SH3RF3: variants seen among roughly 807,000 people sequenced by gnomAD.
SH3RF3 encodes the protein SH3 domain containing ring finger 3.
SH3RF3 carries 29 observed loss-of-function variants against 66.3 expected under a neutral mutation model. The observed-to-expected ratio is 0.44, with a 90% CI of 0.33 to 0.60. SH3RF3 has a LOEUF of 0.60. SH3RF3 is among the 20% of genes least tolerant of loss of function. The probability of loss-of-function intolerance (pLI) is 0.04; values close to 1 mark genes in which losing one functional copy is unlikely to be tolerated. For missense variants in SH3RF3, 1,194 were observed against 1,190.9 expected (o/e 1.00, Z -0.04); for synonymous variants, 583 against 532.0 (o/e 1.10, Z -1.32).
At chr2:109,423,439 C>A (rs1046023428) in intron 5 of SH3RF3, among the ~76,000 whole-genome samples, 1 of 152,194 alleles carries the variant, frequency 6.6e-6, no homozygotes, top group African/African-American at 2.4e-5. Flanking sequence ...TCCTCAATAA[C>A]AACAGTCCCC....
At chr2:109,254,727 T>C (rs900373729) in intron 1 of SH3RF3, among the ~76,000 whole-genome samples, 1 of 152,180 alleles carries the variant, frequency 6.6e-6, no homozygotes, top group African/African-American at 2.4e-5. Context: ...GCCGCTCCCA[T>C]GAGAGGAGCC....
intron 4 of SH3RF3, among the ~76,000 whole-genome samples, chr2:109,402,573 C>T (rs1033965315): frequency 6.6e-6 from 1 of 152,236 alleles, no homozygotes; most frequent in Non-Finnish European, 1.5e-5. Context: ...CTGGCCCCAG[C>T]AAGGGCCACT....
chr2:109,300,463 A>G (rs1465191827), intron 1 of SH3RF3, among the ~76,000 whole-genome samples: 1 of 152,190 alleles, frequency 6.6e-6, no homozygotes, highest in African/African-American at 2.4e-5. Context: ...TATAGGTGTG[A>G]GCCACTGCGC....
intron 6 of SH3RF3, among the ~76,000 whole-genome samples, chr2:109,435,289 G>C (rs542463623): frequency 6.6e-6 from 1 of 152,214 alleles, no homozygotes; most frequent in African/African-American, 2.4e-5. Flanking sequence ...AGAAGTGGAA[G>C]ACACCTGTCC....
intron 7 of SH3RF3, among the ~76,000 whole-genome samples, chr2:109,440,542 A>T (rs1677532896): frequency 6.6e-6 from 1 of 152,228 alleles, no homozygotes; most frequent in African/African-American, 2.4e-5. Flanking sequence ...GGCCAATCTG[A>T]AGTGATGAGG....
At chr2:109,146,678 GGCT>G (rs1448414326) in intron 1 of SH3RF3, among the ~76,000 whole-genome samples, 2 of 152,158 alleles carry the variant, frequency 1.3e-5, no homozygotes, top group African/African-American at 4.8e-5. Flanking sequence ...CCCAAAGTCA[GGCT>G]GGGACCCTGA....
At chr2:109,398,393 G>A (rs1676208772) in intron 3 of SH3RF3, among the ~76,000 whole-genome samples, 197 bp from the exon 4 acceptor site, 1 of 152,142 alleles carries the variant, frequency 6.6e-6, no homozygotes, top group Non-Finnish European at 1.5e-5. Flanking sequence ...GGCTCCTGGG[G>A]TTTTTGAGCT....
intron 8 of SH3RF3, among the ~76,000 whole-genome samples, chr2:109,470,549 G>A (rs1426454277): frequency 1.3e-5 from 2 of 152,184 alleles, no homozygotes; most frequent in African/African-American, 4.8e-5. Flanking sequence ...TTTGGGACAA[G>A]CCCTGGCTCA....
intron 5 of SH3RF3, among the ~76,000 whole-genome samples, chr2:109,431,312 T>G (rs1677207186): frequency 6.6e-6 from 1 of 152,224 alleles, no homozygotes; most frequent in Admixed American, 6.5e-5. Flanking sequence ...CTTTGGTCTC[T>G]TAGTGAACTG....
intron 1 of SH3RF3, among the ~76,000 whole-genome samples, chr2:109,248,541 G>A (rs1337999789): frequency 6.6e-6 from 1 of 152,222 alleles, no homozygotes; most frequent in Non-Finnish European, 1.5e-5. Flanking sequence ...TTACTACCCT[G>A]TAGTTAATTC....
At position 109,489,746 on chromosome 2, in the gene SH3RF3, G is replaced by A. The variant is rs1490937070; in HGVS notation, c.2149-859G>A. 3.3e-5 allele frequency among the ~76,000 whole-genome samples: 4 copies of A among 122,860 alleles called. No individual in the cohort carries two copies. In the South Asian group the frequency reaches 9.1e-4, roughly 28 times the overall value. The allele number at this position is 122,860 out of a possible 152,430, so 80.6% of individuals were successfully genotyped here. The stretch of plus-strand genomic sequence containing the variant: ...CGGACAAGGTTTTTTTTGGCGGGGG[G>A]TGGGCGGGGGGGACGGAGTCTCGCT... On this transcript the variant is annotated intron_variant, in intron 8 of 9. Transcript: ENST00000309415.
chr2:109,469,186 CA>C (rs1559100051), intron 8 of SH3RF3, among the ~76,000 whole-genome samples: 1 of 152,202 alleles, frequency 6.6e-6, no homozygotes, highest in Non-Finnish European at 1.5e-5. Context: ...CGTGCTTACA[CA>C]GCGTATTTCT....
At chr2:109,164,267 C>T (rs13005706) in intron 1 of SH3RF3, among the ~76,000 whole-genome samples, 78,198 of 151,936 alleles carry the variant, frequency 0.51, 20,724 homozygotes, top group South Asian at 0.6. Flanking sequence ...ACTGCGGCCT[C>T]GGCCTCCTGG....
intron 7 of SH3RF3, among the ~76,000 whole-genome samples, chr2:109,447,174 GAAAA>G (rs1177496293): frequency 9.8e-4 from 131 of 133,610 alleles, no homozygotes; most frequent in Admixed American, 1.1e-3. Context: ...AAAAAGAAAA[GAAAA>G]AGAAAAAGAA....
At chr2:109,249,819 G>A (rs1458651599) in intron 1 of SH3RF3, among the ~76,000 whole-genome samples, 1 of 151,412 alleles carries the variant, frequency 6.6e-6, no homozygotes, top group Non-Finnish European at 1.5e-5. Flanking sequence ...ACCGCGCCCG[G>A]CTAATTTTTT....
intron 1 of SH3RF3, among the ~76,000 whole-genome samples, chr2:109,306,935 G>A (rs2105413672): frequency 6.6e-6 from 1 of 152,334 alleles, no homozygotes; most frequent in East Asian, 1.9e-4. Flanking sequence ...GATGGCTGAT[G>A]GTGTGCTATG....
chr2:109,174,877 A>G (rs1189204100), intron 1 of SH3RF3, among the ~76,000 whole-genome samples: 2 of 152,208 alleles, frequency 1.3e-5, no homozygotes, highest in Admixed American at 1.3e-4. Context: ...CCCTCTGTCA[A>G]CATATTTCAG....
At chr2:109,273,679 G>A (rs1680678062) in intron 1 of SH3RF3, among the ~76,000 whole-genome samples, 1 of 152,188 alleles carries the variant, frequency 6.6e-6, no homozygotes, top group East Asian at 1.9e-4. Context: ...TGCTGATGGG[G>A]ACACACGTTG....
At chr2:109,240,013 G>A (rs1334584285) in intron 1 of SH3RF3, among the ~76,000 whole-genome samples, 4 of 152,234 alleles carry the variant, frequency 2.6e-5, no homozygotes, top group African/African-American at 9.6e-5. Flanking sequence ...CATGATAGAT[G>A]AGTCACTTGT....
Sources: gnomAD v4.1 joint callset for allele counts (sites outside exome capture counted in the v4.1 genomes callset) on GRCh38, gnomAD v4.1.1 for gene constraint, MANE v1.5 for transcripts, NCBI Gene and HGNC (gene_info 2026-07-23, HGNC 2026-07-21) for gene names.